The following FAM135B variants were observed in gnomAD, a reference collection of about 807,000 sequenced individuals.
FAM135B encodes family with sequence similarity 135 member B.
A neutral mutation model predicts 127.7 loss-of-function variants in FAM135B; 43 were observed. The ratio of observed to expected loss-of-function variants is 0.34; its 90% CI spans 0.26 to 0.43. The LOEUF is 0.43. Ranked by LOEUF, FAM135B falls within the 20% of genes least tolerant of loss-of-function variation. The pLI is 1.00. For missense variants in FAM135B, 1,558 were observed against 1,725.6 expected (o/e 0.90, Z 1.72); for synonymous variants, 670 against 665.1 (o/e 1.01, Z -0.11).
At chr8:138,278,665 C>T (rs554316193) in intron 3 of FAM135B, among the ~76,000 whole-genome samples, 3 of 142,052 alleles carry the variant, frequency 2.1e-5, no homozygotes, top group East Asian at 2.1e-4. Context: ...CCAGTTCAAG[C>T]GATTTTCCTA....
At chr8:138,186,082 C>T (rs1815542088) in intron 9 of FAM135B, among the ~76,000 whole-genome samples, 1 of 152,142 alleles carries the variant, frequency 6.6e-6, no homozygotes, top group Admixed American at 6.5e-5. Flanking sequence ...CTGACACCCC[C>T]CACTCCTTCA....
rs1287593996 is a variant in FAM135B, at chr8:138,299,051, T to C, written c.157+11790A>G. On this transcript the variant is annotated intron_variant, in intron 3 of 19. Transcript: ENST00000395297. Reference sequence around the variant, plus strand: ...CTCCAGCCTGGGCGATAGAGTGAGATTCAGTCTCAAAATAAATAAATAAAT... The same window carrying C: ...CTCCAGCCTGGGCGATAGAGTGAGACTCAGTCTCAAAATAAATAAATAAAT... 2.1e-5 allele frequency among the ~76,000 whole-genome samples: 3 copies of C among 145,364 alleles called. No homozygotes were observed. In the Admixed American group the frequency reaches 2.1e-4, roughly 10 times the overall value.
intron 3 of FAM135B, among the ~76,000 whole-genome samples, chr8:138,270,466 G>A (rs1367175114): frequency 6.6e-6 from 1 of 152,172 alleles, no homozygotes; most frequent in East Asian, 1.9e-4. Flanking sequence ...GGAAAGATGA[G>A]GACCCACCTA....
chr8:138,206,345 A>AGCTCTATCATCCCCTCCATCT (rs1817594821), intron 7 of FAM135B, among the ~76,000 whole-genome samples: 1 of 141,678 alleles, frequency 7.1e-6, no homozygotes, highest in African/African-American at 2.6e-5. Context: ...ACCTACCCAC[A>AGCTCTATCATCCCCTCCATCT]ACTCCAGCAT....
intron 9 of FAM135B, among the ~76,000 whole-genome samples, chr8:138,187,667 A>G (rs906833081): frequency 4.6e-5 from 7 of 152,242 alleles, no homozygotes; most frequent in African/African-American, 1.7e-4. Flanking sequence ...CAGAGCTTCT[A>G]TTAATAAAAC....
At chr8:138,290,114 G>A (rs1180197249) in intron 3 of FAM135B, among the ~76,000 whole-genome samples, 3 of 152,314 alleles carry the variant, frequency 2.0e-5, no homozygotes, top group South Asian at 2.1e-4. Flanking sequence ...TGCATGGGGG[G>A]TCCACATCAT....
At chr8:138,494,866 T>C (rs1383928618) in intron 1 of FAM135B, among the ~76,000 whole-genome samples, 1 of 148,590 alleles carries the variant, frequency 6.7e-6, no homozygotes, top group Admixed American at 6.6e-5. Flanking sequence ...AATCCACCCA[T>C]TGTGAGCAGG....
At chr8:138,350,093 T>A (rs1829675908) in intron 2 of FAM135B, among the ~76,000 whole-genome samples, 1 of 152,156 alleles carries the variant, frequency 6.6e-6, no homozygotes, top group Non-Finnish European at 1.5e-5. Flanking sequence ...AAGACTACAC[T>A]CAGTCACTCT....
intron 7 of FAM135B, among the ~76,000 whole-genome samples, chr8:138,234,621 C>T (rs1161427446): frequency 2.6e-5 from 4 of 152,238 alleles, no homozygotes; most frequent in Non-Finnish European, 4.4e-5. Context: ...TTTGGTCCTT[C>T]TCTAGGTAGT....
chr8:138,422,730 G>T (rs941610899), intron 1 of FAM135B, among the ~76,000 whole-genome samples: 1 of 151,984 alleles, frequency 6.6e-6, no homozygotes, highest in East Asian at 1.9e-4. Flanking sequence ...AAAACAAAAA[G>T]CTATCATTCA....
At chr8:138,323,152 T>C (rs1218531049) in intron 2 of FAM135B, among the ~76,000 whole-genome samples, 1 of 152,216 alleles carries the variant, frequency 6.6e-6, no homozygotes, top group South Asian at 2.1e-4. Context: ...TAATAATTCA[T>C]TCAGATTCCA....
chr8:138,240,488 C>A (rs1174292084), intron 7 of FAM135B, among the ~76,000 whole-genome samples: 1 of 152,168 alleles, frequency 6.6e-6, no homozygotes. Context: ...GTCTGTGTGG[C>A]CTCAGTGTCT....
chr8:138,152,760 A>G lies in FAM135B; in HGVS notation c.1715T>C (p.Phe572Ser), dbSNP rs2130780774. The G allele has an allele frequency of 6.2e-7, 1 of 1,614,178 alleles. No homozygotes were observed. Among genetic ancestry groups the G allele is most frequent in the Non-Finnish European group, 8.5e-7 (1 of 1,180,034 alleles). ...NPSRAEPLVA[F>S]NAQHESRSSR... is the part of the protein sequence containing the mutation. ...GCTCCTACTCTCATGCTGAGCATTG[A>G]AGGCCACCAGGGGTTCAGCTCTGGA... Residue 572 changes from phenylalanine to serine, a missense_variant, in exon 13 of 20, where the codon TTC becomes TCC. Physicochemically the swap from Phe to Ser is radical, Grantham distance 155. This residue lies in a region of FAM135B where 923 missense variants were observed against 865.3 expected (regional missense o/e 1.07). Coordinates refer to ENST00000395297, the MANE Select transcript of FAM135B (RefSeq NM_015912.4).
intron 1 of FAM135B, chr8:138,477,393 A>C (rs1341742762): frequency 6.6e-6 from 1 of 152,014 alleles, no homozygotes; most frequent in Non-Finnish European, 1.5e-5. Context: ...ACCTTCACAA[A>C]CCATACCCTA....
chr8:138,219,124 T>G (rs576192705), intron 7 of FAM135B, among the ~76,000 whole-genome samples: 1 of 152,332 alleles, frequency 6.6e-6, no homozygotes, highest in African/African-American at 2.4e-5. Flanking sequence ...GAAGGTACTA[T>G]CTTCACTACT....
At chr8:138,351,916 C>T (rs2131123486) in intron 2 of FAM135B, among the ~76,000 whole-genome samples, 1 of 152,218 alleles carries the variant, frequency 6.6e-6, no homozygotes, top group African/African-American at 2.4e-5. Flanking sequence ...TCTTGAACTC[C>T]TCACCTCAGG....
At chr8:138,190,404 A>G (rs1276085896) in intron 9 of FAM135B, among the ~76,000 whole-genome samples, 1 of 152,224 alleles carries the variant, frequency 6.6e-6, no homozygotes, top group Non-Finnish European at 1.5e-5. Context: ...CCAGCAAATT[A>G]TAATGTTAAA....
intron 3 of FAM135B, among the ~76,000 whole-genome samples, chr8:138,279,551 G>T (rs1824099546): frequency 1.3e-5 from 2 of 152,194 alleles, no homozygotes; most frequent in Admixed American, 1.3e-4. Context: ...CTTTATTTAA[G>T]TTCAGGCTTT....
chr8:138,452,498 G>T (rs1428042225), intron 1 of FAM135B, among the ~76,000 whole-genome samples: 1 of 152,028 alleles, frequency 6.6e-6, no homozygotes, highest in African/African-American at 2.4e-5. Context: ...AAAAATAAAA[G>T]TGTCCACACC....
Sources: allele counts gnomAD v4.1 joint callset (sites outside exome capture counted in the v4.1 genomes callset), GRCh38; gene constraint gnomAD v4.1.1; regional missense constraint gnomAD v4.1.1; transcripts MANE v1.5; gene names NCBI Gene and HGNC (gene_info 2026-07-23, HGNC 2026-07-21).